The following ZDHHC13 variants were observed in gnomAD, a reference collection of about 807,000 sequenced individuals.
ZDHHC13 encodes the protein zDHHC palmitoyltransferase 13, also known as palmitoyltransferase ZDHHC13.
Under a neutral mutation model 86.0 loss-of-function variants are expected in ZDHHC13, and 85 were observed. That is an observed-to-expected ratio of 0.99 (90% confidence interval 0.83 to 1.18). The LOEUF is 1.18. ZDHHC13 is among the 50% of genes most tolerant of loss of function. The probability of loss-of-function intolerance (pLI) is 0.00; values close to 1 mark genes in which losing one functional copy is unlikely to be tolerated. For missense variants in ZDHHC13, 711 were observed against 730.2 expected (o/e 0.97, Z 0.30); for synonymous variants, 263 against 246.4 (o/e 1.07, Z -0.63).
chr11:19,139,140 G>A (rs1465555181), intron 1 of ZDHHC13, among the ~76,000 whole-genome samples: 2 of 151,984 alleles, frequency 1.3e-5, no homozygotes, highest in African/African-American at 2.4e-5. Flanking sequence ...GTTTGCAGAC[G>A]ACATGATTGT....
At chr11:19,161,903 A>G (rs888877786) in intron 10 of ZDHHC13, among the ~76,000 whole-genome samples, 9 of 152,162 alleles carry the variant, frequency 5.9e-5, no homozygotes, top group African/African-American at 2.2e-4. Context: ...ACATAGTATT[A>G]CAAGGATTTG....
At chr11:19,156,358 G>A (rs1029846049) in intron 9 of ZDHHC13, among the ~76,000 whole-genome samples, 7 of 152,052 alleles carry the variant, frequency 4.6e-5, no homozygotes, top group African/African-American at 1.7e-4. Flanking sequence ...AATTGTGAGA[G>A]ATTATAAAAT....
intron 1 of ZDHHC13, among the ~76,000 whole-genome samples, chr11:19,124,557 C>T (rs1042872687): frequency 6.6e-6 from 1 of 151,892 alleles, no homozygotes; most frequent in African/African-American, 2.4e-5. Context: ...TCAATCTTAG[C>T]TGCACTTTTT....
At chr11:19,127,415 T>G (rs1407266759) in intron 1 of ZDHHC13, among the ~76,000 whole-genome samples, 1 of 152,244 alleles carries the variant, frequency 6.6e-6, no homozygotes, top group Non-Finnish European at 1.5e-5. Context: ...TTTACTCTGT[T>G]GATAGTTTAT....
rs1849060746 is a variant in ZDHHC13, at chr11:19,133,931, A to ATG, written c.28-9046_28-9045insGT. On this transcript the variant is annotated intron_variant, in intron 1 of 16. Transcript: ENST00000446113. ...TTACGAAAGAAGTCCATATATATAT[A>ATG]TATATATATATACACGTATGTGTTT... Among the ~76,000 whole-genome samples the ATG allele has an allele frequency of 9.4e-5, 9 of 95,602 alleles. No individual in the cohort carries two copies. In the Admixed American group the frequency reaches 1.1e-3, roughly 12 times the overall value. The allele number at this position is 95,602 out of a possible 152,430, so 62.7% of individuals were successfully genotyped here.
At position 19,176,018 on chromosome 11, in the gene ZDHHC13, A is replaced by G; in HGVS notation, c.*58A>G. The G allele has an allele frequency of 5.9e-6, 9 of 1,526,610 alleles. No individual in the cohort carries two copies. Among genetic ancestry groups the G allele is most frequent in the Middle Eastern group, 1.7e-4 (1 of 5,752 alleles). 94.6% of individuals were successfully genotyped at this position (1,526,610 alleles called of 1,614,324 possible). ...GTTTTTGTTTATGTCGATGCCCTGT[A>G]GTTTGAAAGTGAAGTAAAGATTTAG... On this transcript the variant is annotated 3_prime_UTR_variant, in exon 17 of 17. Transcript: ENST00000446113.
chr11:19,131,759 G>A (rs1295981548), intron 1 of ZDHHC13, among the ~76,000 whole-genome samples: 2 of 151,778 alleles, frequency 1.3e-5, no homozygotes, highest in East Asian at 1.9e-4. Context: ...TCAGTCTCTC[G>A]AGCAGCTGAG....
intron 1 of ZDHHC13, among the ~76,000 whole-genome samples, chr11:19,134,828 C>T (rs1202881604): frequency 3.9e-5 from 6 of 151,956 alleles, no homozygotes; most frequent in Non-Finnish European, 8.8e-5. Flanking sequence ...GCACGTTCTG[C>T]ACATATATCC....
chr11:19,161,908 G>T (rs1590087155), intron 10 of ZDHHC13, among the ~76,000 whole-genome samples: 2 of 152,092 alleles, frequency 1.3e-5, no homozygotes, highest in Admixed American at 1.3e-4. Flanking sequence ...GTATTACAAG[G>T]ATTTGAGTGT....
chr11:19,134,427 A>T lies in ZDHHC13; in HGVS notation c.28-8551A>T, dbSNP rs574642922. Among the ~76,000 whole-genome samples the T allele has an allele frequency of 2.6e-5, 4 of 152,326 alleles. No individual in the cohort carries two copies. In the South Asian group the frequency reaches 8.3e-4, roughly 32 times the overall value. ...GTACACGTATGTTTATTGCAGCACC[A>T]TTCACAATAGCAAAGACTTGGAACC... is the stretch of plus-strand genomic sequence containing the variant. On this transcript the variant is annotated intron_variant, in intron 1 of 16. Coordinates refer to ENST00000446113, the MANE Select transcript of ZDHHC13 (RefSeq NM_019028.3).
rs756169686 is a variant in ZDHHC13, at chr11:19,172,691, A to C, written c.1633-32A>C. The stretch of plus-strand genomic sequence containing the variant: ...TTATTTATCTAAAAGTTGCACACTG[A>C]ATGTGTGCAACCTTCCACCCTTCTT... On this transcript the variant is annotated intron_variant, in intron 15 of 16. Transcript: ENST00000446113. 24 of 1,512,496 alleles carry C rather than the reference A, an allele frequency of 1.6e-5. No homozygotes were observed. The East Asian group carries it at 5.8e-4, about 36-fold the overall frequency. The allele number at this position is 1,512,496 out of a possible 1,614,324, so 93.7% of individuals were successfully genotyped here.
intron 1 of ZDHHC13, among the ~76,000 whole-genome samples, chr11:19,132,699 T>C (rs1385514043): frequency 6.6e-6 from 1 of 152,202 alleles, no homozygotes; most frequent in Non-Finnish European, 1.5e-5. Flanking sequence ...TGTTTTCCTC[T>C]CAGTGCCCAT....
rs535245648 is a variant in ZDHHC13 at position 19,153,857 on chromosome 11, G to A, written c.873+1173G>A. On this transcript the variant is annotated intron_variant, in intron 8 of 16. Coordinates refer to ENST00000446113, the MANE Select transcript of ZDHHC13 (RefSeq NM_019028.3). ...GTAACTCCAGCATTCCTCTGTCTTCGCCTTTTTTTTTTTTGTCATACCACA... is the reference window on the plus strand; with the variant it reads ...GTAACTCCAGCATTCCTCTGTCTTCACCTTTTTTTTTTTTGTCATACCACA... Among the ~76,000 whole-genome samples, 39 of 147,208 alleles carry A rather than the reference G, an allele frequency of 2.6e-4. 1 individual carries two copies. The highest frequency in any genetic ancestry group is 7.2e-4 in the African/African-American group (29 of 40,290).
rs148644315 is a variant in ZDHHC13, at chr11:19,172,905, A to G, written c.1730+85A>G. 238 of 1,240,348 alleles carry G rather than the reference A, an allele frequency of 1.9e-4. No individual in the cohort carries two copies. The African/African-American group carries it at 2.9e-3, about 15-fold the overall frequency. 76.8% of individuals were successfully genotyped at this position (1,240,348 alleles called of 1,614,324 possible). Reference sequence around the variant, plus strand: ...TAAGCTGGTGCCACTACCCATGGCCATGCTGCTGTTCTGTAATTTGCCATC... The same window carrying G: ...TAAGCTGGTGCCACTACCCATGGCCGTGCTGCTGTTCTGTAATTTGCCATC... On this transcript the variant is annotated intron_variant, in intron 16 of 16. Coordinates refer to ENST00000446113, the MANE Select transcript of ZDHHC13 (RefSeq NM_019028.3).
intron 1 of ZDHHC13, among the ~76,000 whole-genome samples, chr11:19,135,179 G>A (rs1275893880): frequency 6.6e-6 from 1 of 152,226 alleles, no homozygotes; most frequent in Non-Finnish European, 1.5e-5. Context: ...TCTCACTAGG[G>A]AGTGCCAGAC....
Position 19,150,742 on chromosome 11 carries a change from G to T in ZDHHC13, c.535G>T (p.Asp179Tyr). 1 of 1,610,362 alleles carries T rather than the reference G, an allele frequency of 6.2e-7. No homozygotes were observed. Residue 179 changes from aspartate to tyrosine, a missense_variant, in exon 6 of 17, where the codon GAT (aspartate) becomes TAT (tyrosine). Asp to Tyr is a radical substitution (Grantham distance 160). Coordinates refer to ENST00000446113, the MANE Select transcript of ZDHHC13 (RefSeq NM_019028.3). ...TTTTGAATAGAGTGTGAATATGACA[G>T]ATGTAAATGGGCAGACACCTCTCAT... ...ISKGQSVNMT[D>Y]VNGQTPLMLS...
rs1848668649 is a variant in ZDHHC13 at position 19,117,420 on chromosome 11, A to G, written c.27+144A>G. 4.8e-6 allele frequency: 4 copies of G among 833,664 alleles called. No individual in the cohort carries two copies. Among genetic ancestry groups the G allele is most frequent in the Admixed American group, 3.6e-5 (1 of 27,948 alleles). 51.6% of individuals were successfully genotyped at this position (833,664 alleles called of 1,614,324 possible). A position where few individuals can be genotyped will look rare whatever the true frequency, so the allele number is the denominator to read the frequency against. On this transcript the variant is annotated intron_variant, in intron 1 of 16. Coordinates refer to ENST00000446113, the MANE Select transcript of ZDHHC13 (RefSeq NM_019028.3). The surrounding 1 kb of genome is among the most constrained non-coding windows in gnomAD (Gnocchi z 4.2). The stretch of plus-strand genomic sequence containing the variant: ...AGGTCTGGGAAGCGGGAGCCTGGAA[A>G]CACCACGAACGATGCTGGAAATTGT...
At chr11:19,134,174 G>T (rs1032062958) in intron 1 of ZDHHC13, among the ~76,000 whole-genome samples, 11 of 151,838 alleles carry the variant, frequency 7.2e-5, no homozygotes, top group African/African-American at 2.7e-4. Flanking sequence ...TTTAAAAATT[G>T]TAGATAGGTA....
chr11:19,119,012 C>T (rs928466899), intron 1 of ZDHHC13, among the ~76,000 whole-genome samples: 4 of 152,216 alleles, frequency 2.6e-5, no homozygotes, highest in African/African-American at 9.6e-5. Flanking sequence ...AACATTACTG[C>T]TCTCATTGAA....
Sources: gnomAD v4.1 joint callset for allele counts (sites outside exome capture counted in the v4.1 genomes callset) on GRCh38, gnomAD v4.1.1 for gene constraint, Gnocchi (gnomAD v3.1) non-coding constraint, MANE v1.5 for transcripts, NCBI Gene and HGNC (gene_info 2026-07-23, HGNC 2026-07-21) for gene names.